Variants in CENPU observed in about 807,000 individuals in gnomAD.
CENPU encodes the protein centromere protein U.
In CENPU, 46 loss-of-function variants were observed where a neutral mutation model predicts 56.7. The observed-to-expected ratio is 0.81, with a 90% CI of 0.64 to 1.04. The LOEUF is 1.04. Ranked by LOEUF, CENPU falls within the 50% of genes least tolerant of loss-of-function variation. CENPU has a pLI of 0.00. For synonymous variants in CENPU, 166 were observed against 163.0 expected (o/e 1.02, Z -0.14); for missense variants, 510 against 490.1 (o/e 1.04, Z -0.38).
chr4:184,717,923 C>A (rs1208338844), intron 4 of CENPU, among the ~76,000 whole-genome samples: 1 of 152,156 alleles, frequency 6.6e-6, no homozygotes, highest in Non-Finnish European at 1.5e-5. Flanking sequence ...AATGTAAAAG[C>A]CTGGTGGTGT....
Position 184,730,934 on chromosome 4 carries a change from G to T in CENPU, c.82C>A (p.His28Asn). The change falls in exon 2 of 13, where the codon CAT (histidine) becomes AAT (asparagine). Residue 28 changes from histidine to asparagine, a missense_variant. Transcript: ENST00000281453. ...RRSKNTLERT[H>N]SMKDKAGQKC... ...AGGTAACTTACATCTTTCATGGAAT[G>T]TGTTCTTTCTAAAGTGTTCTTTGAA... The T allele has an allele frequency of 6.3e-7, 1 of 1,581,700 alleles. No homozygotes were observed. Among genetic ancestry groups the T allele is most frequent in the Non-Finnish European group, 8.5e-7 (1 of 1,170,714 alleles).
Position 184,694,685 on chromosome 4 carries a change from A to C in CENPU, c.*603T>G. 1 of 1,614,042 alleles carries C rather than the reference A, an allele frequency of 6.2e-7. No individual in the cohort carries two copies. The highest frequency in any genetic ancestry group is 8.5e-7 in the Non-Finnish European group (1 of 1,179,874). ...TTTTTAGAAGCTACTGAAGATGCTG[A>C]ATTAGCTGAAGCTGCAGAGAACAGT... On this transcript the variant is annotated 3_prime_UTR_variant, in exon 13 of 13. Transcript: ENST00000281453.
At position 184,694,489 on chromosome 4, in the gene CENPU, C is replaced by A; in HGVS notation, c.*799G>T. The A allele has an allele frequency of 1.9e-6, 3 of 1,595,630 alleles. No homozygotes were observed. Among genetic ancestry groups the A allele is most frequent in the Non-Finnish European group, 2.6e-6 (3 of 1,167,904 alleles). On this transcript the variant is annotated 3_prime_UTR_variant, in exon 13 of 13. Transcript: ENST00000281453. Reference sequence around the variant, plus strand: ...ATATCCTGAGTAAATATTTTCCTATCCCACTCTCTATCCCTTCACCACTGA... The same window carrying A: ...ATATCCTGAGTAAATATTTTCCTATACCACTCTCTATCCCTTCACCACTGA...
At chr4:184,712,603 T>A (rs1046047350) in intron 7 of CENPU, among the ~76,000 whole-genome samples, 1 of 152,262 alleles carries the variant, frequency 6.6e-6, no homozygotes, top group African/African-American at 2.4e-5. Context: ...GAGGAAGTAC[T>A]CATGTCTACA....
intron 12 of CENPU, 108 bp downstream of exon 12, chr4:184,697,535 CTGTA>C (rs2150198682): frequency 9.9e-7 from 1 of 1,008,340 alleles, no homozygotes; most frequent in Admixed American, 2.4e-5. Context: ...TAGGTGGACT[CTGTA>C]ATTCTGTATC....
chr4:184,718,862 G>A (rs1761181800), intron 4 of CENPU, among the ~76,000 whole-genome samples: 1 of 152,166 alleles, frequency 6.6e-6, no homozygotes, highest in Non-Finnish European at 1.5e-5. Context: ...GCTCAGTTTT[G>A]CCTTTGTTGA....
rs1428882069 is a variant in CENPU, at chr4:184,694,325, T to A, written c.*963A>T. 6 of 1,349,486 alleles carry A rather than the reference T, an allele frequency of 4.4e-6. No homozygotes were observed. The African/African-American group carries it at 7.3e-5, about 16-fold the overall frequency. 83.6% of individuals were successfully genotyped at this position (1,349,486 alleles called of 1,614,324 possible). ...TCAAATTTGGAGTTTCAAGTGTGTC[T>A]GAGCTTCAGTGCAGCAACGTTTGAA... On this transcript the variant is annotated 3_prime_UTR_variant, in exon 13 of 13. Coordinates refer to ENST00000281453, the MANE Select transcript of CENPU (RefSeq NM_024629.4).
At chr4:184,725,211 T>C in intron 3 of CENPU, 149 bp from the exon 4 acceptor site, 1 of 496,204 alleles carries the variant, frequency 2.0e-6, no homozygotes, top group East Asian at 3.1e-5. Context: ...CAAATGTTTT[T>C]GATCTCACAC....
chr4:184,712,702 T>C (rs1760964431), intron 7 of CENPU, among the ~76,000 whole-genome samples: 1 of 152,220 alleles, frequency 6.6e-6, no homozygotes, highest in South Asian at 2.1e-4. Flanking sequence ...ATGTTAACTG[T>C]AAAATCTAGG....
chr4:184,698,638 C>T (rs1361615093), intron 11 of CENPU, among the ~76,000 whole-genome samples: 4 of 152,086 alleles, frequency 2.6e-5, no homozygotes, highest in South Asian at 4.1e-4. Flanking sequence ...TTAGTAGAGA[C>T]GGGGTTTCAC....
At chr4:184,729,983 G>A (rs1422560038) in intron 2 of CENPU, among the ~76,000 whole-genome samples, 3 of 152,200 alleles carry the variant, frequency 2.0e-5, no homozygotes, top group Non-Finnish European at 4.4e-5. Context: ...CCATTCAGAT[G>A]CCCCCAGTGA....
chr4:184,724,544 G>A (rs1258372103), intron 4 of CENPU, among the ~76,000 whole-genome samples: 2 of 152,182 alleles, frequency 1.3e-5, no homozygotes, highest in Non-Finnish European at 2.9e-5. Context: ...CAGGGACAGT[G>A]CATCTGAAAC....
Position 184,697,806 on chromosome 4 carries a change from A to T in CENPU, c.987-3T>A. 6.3e-7 allele frequency: 1 copy of T among 1,590,710 alleles called. No individual in the cohort carries two copies. Among genetic ancestry groups the T allele is most frequent in the South Asian group, 1.1e-5 (1 of 88,364 alleles). Reference sequence around the variant, plus strand: ...GTTGTTTCAGCTGTGGCTCTAACCTAAAACAAAAATAAGTGACAAATAATA... The same window carrying T: ...GTTGTTTCAGCTGTGGCTCTAACCTTAAACAAAAATAAGTGACAAATAATA... On this transcript the variant is annotated splice_region_variant and splice_polypyrimidine_tract_variant and intron_variant, in intron 11 of 12. Transcript: ENST00000281453.
At chr4:184,733,481 G>A (rs1761728749) in intron 1 of CENPU, 2 of 899,662 alleles carry the variant, frequency 2.2e-6, no homozygotes, top group East Asian at 1.2e-4. Flanking sequence ...TTTTGCAACC[G>A]ACCAAACGCT....
chr4:184,699,568 G>A (rs1441049092), intron 11 of CENPU: 1 of 1,288,870 alleles, frequency 7.8e-7, no homozygotes, highest in Non-Finnish European at 1.0e-6. Context: ...CTGGGTCAGT[G>A]AAAACCTTAC....
At chr4:184,699,293 G>A (rs1359698961) in intron 11 of CENPU, among the ~76,000 whole-genome samples, 3 of 152,052 alleles carry the variant, frequency 2.0e-5, no homozygotes, top group East Asian at 1.9e-4. Flanking sequence ...TAGCGCCACC[G>A]CACTCCAGCC....
intron 11 of CENPU, among the ~76,000 whole-genome samples, chr4:184,699,187 G>A (rs13132310): frequency 0.55 from 83,339 of 151,678 alleles, 24,909 homozygotes; most frequent in Non-Finnish European, 0.68. Context: ...AAAATTAGCC[G>A]GGCACAGTGG....
intron 8 of CENPU, among the ~76,000 whole-genome samples, chr4:184,709,186 A>G (rs1760835279): frequency 6.6e-6 from 1 of 152,176 alleles, no homozygotes; most frequent in Non-Finnish European, 1.5e-5. Context: ...AGTAAAAGAA[A>G]TTAAAAAGAA....
chr4:184,722,702 AAAC>A (rs1419986584), intron 4 of CENPU, among the ~76,000 whole-genome samples: 2 of 145,278 alleles, frequency 1.4e-5, no homozygotes, highest in Non-Finnish European at 3.0e-5. Flanking sequence ...AAACAAAACA[AAAC>A]AAAACAAAAC....
Sources: allele counts gnomAD v4.1 joint callset (sites outside exome capture counted in the v4.1 genomes callset), GRCh38; gene constraint gnomAD v4.1.1; transcripts MANE v1.5; gene names NCBI Gene and HGNC (gene_info 2026-07-23, HGNC 2026-07-21).